The following CRIM1 variants were observed in gnomAD, a reference collection of about 807,000 sequenced individuals.
CRIM1 encodes cysteine rich transmembrane BMP regulator 1.
Under a neutral mutation model 116.4 loss-of-function variants are expected in CRIM1, and 32 were observed. That is an observed-to-expected ratio of 0.27 (90% CI 0.21 to 0.37). The LOEUF is 0.37. Among genes scored for constraint, CRIM1 ranks in the 10% least tolerant of loss-of-function variants. The pLI, the probability that CRIM1 is intolerant of heterozygous loss-of-function variation, is 1.00. For missense variants in CRIM1, 1,331 were observed against 1,354.8 expected, an observed-to-expected ratio of 0.98 and a Z score of 0.28; for synonymous variants, 590 against 509.2, an observed-to-expected ratio of 1.16 and a Z score of -2.13.
chr2:36,469,479 C>T (rs954845802), intron 5 of CRIM1, among the ~76,000 whole-genome samples: 21 of 152,212 alleles, frequency 1.4e-4, no homozygotes, highest in South Asian at 6.2e-4. Context: ...CAGGCATATA[C>T]GAAAGGCTAA....
intron 1 of CRIM1, among the ~76,000 whole-genome samples, chr2:36,362,649 C>T (rs555462541): frequency 9.8e-5 from 15 of 152,292 alleles, no homozygotes; most frequent in Admixed American, 6.5e-4. Flanking sequence ...TTGAAAACCT[C>T]TGTTTAGTCA....
At chr2:36,363,529 G>GCCCCC (rs59203042) in intron 1 of CRIM1, among the ~76,000 whole-genome samples, 1 of 77,776 alleles carries the variant, frequency 1.3e-5, no homozygotes. Context: ...AGTCGTCGCC[G>GCCCCC]CCCCCCCCCC....
At chr2:36,441,119 A>G in intron 2 of CRIM1, 139 bp from the exon 3 acceptor site, 1 of 1,151,624 alleles carries the variant, frequency 8.7e-7, no homozygotes, top group Admixed American at 2.5e-5. Context: ...AGTTAAACTA[A>G]GTTTGAAGGT....
At chr2:36,360,460 C>T (rs756484674) in intron 1 of CRIM1, among the ~76,000 whole-genome samples, 4 of 152,208 alleles carry the variant, frequency 2.6e-5, no homozygotes, top group East Asian at 1.9e-4. Flanking sequence ...TCTTTCAGAA[C>T]GCAATCCTCC....
At chr2:36,538,496 A>G (rs1666712926) in intron 14 of CRIM1, among the ~76,000 whole-genome samples, 1 of 152,166 alleles carries the variant, frequency 6.6e-6, no homozygotes, top group Non-Finnish European at 1.5e-5. Flanking sequence ...GTTGTATTCA[A>G]TACAGGGAGC....
At chr2:36,499,907 G>A (rs750583399) in intron 8 of CRIM1, among the ~76,000 whole-genome samples, 21 of 152,024 alleles carry the variant, frequency 1.4e-4, no homozygotes, top group Non-Finnish European at 1.9e-4. Context: ...TTCTTCTGCC[G>A]GAATAAACAT....
chr2:36,360,796 A>AT (rs1669175559), intron 1 of CRIM1, among the ~76,000 whole-genome samples: 1 of 152,160 alleles, frequency 6.6e-6, no homozygotes, highest in African/African-American at 2.4e-5. Flanking sequence ...GAGTCCACGA[A>AT]TTTTAATTCA....
chr2:36,462,881 A>G (rs1677693702), intron 4 of CRIM1, among the ~76,000 whole-genome samples: 1 of 152,200 alleles, frequency 6.6e-6, no homozygotes, highest in Non-Finnish European at 1.5e-5. Context: ...AAGCGTGACA[A>G]AGTATGGGAT....
intron 6 of CRIM1, among the ~76,000 whole-genome samples, chr2:36,478,938 C>T (rs1236690985): frequency 2.6e-5 from 4 of 152,084 alleles, no homozygotes; most frequent in South Asian, 2.1e-4. Context: ...AAGTTCACAG[C>T]GCTCCTCCAA....
chr2:36,515,349 T>A (rs1034077395), intron 11 of CRIM1, among the ~76,000 whole-genome samples: 4 of 152,246 alleles, frequency 2.6e-5, no homozygotes, highest in African/African-American at 7.2e-5. Flanking sequence ...CACGTGAAGT[T>A]GTTGTTGATA....
intron 1 of CRIM1, among the ~76,000 whole-genome samples, chr2:36,363,532 C>G (rs530368913): frequency 7.4e-6 from 1 of 134,278 alleles, no homozygotes; most frequent in Non-Finnish European, 1.7e-5. Context: ...CGTCGCCGCC[C>G]CCCCCCCCCA....
chr2:36,370,963 A>G (rs1214958268), intron 1 of CRIM1, among the ~76,000 whole-genome samples: 1 of 152,160 alleles, frequency 6.6e-6, no homozygotes, highest in Non-Finnish European at 1.5e-5. Context: ...TTGCTCCTGA[A>G]GTTTTAGGTT....
intron 7 of CRIM1, among the ~76,000 whole-genome samples, chr2:36,480,327 G>A (rs1679309614): frequency 6.6e-6 from 1 of 152,160 alleles, no homozygotes; most frequent in Non-Finnish European, 1.5e-5. Flanking sequence ...TCCATCCTGG[G>A]AAGATTCTCT....
At position 36,522,088 on chromosome 2, in the gene CRIM1, C is replaced by G. The variant is rs866312920; in HGVS notation, c.2207-4C>G. The G allele has an allele frequency of 6.2e-7, 1 of 1,613,620 alleles. No individual in the cohort carries two copies. Among genetic ancestry groups the G allele is most frequent in the Admixed American group, 1.7e-5 (1 of 60,018 alleles). ...TTTGCTGACCTATATGTTCATTTTT[C>G]CAGATCAACCTTTTCGGCCTTCCTT... On this transcript the variant is annotated splice_region_variant and splice_polypyrimidine_tract_variant and intron_variant, in intron 12 of 16. Transcript: ENST00000280527.
At chr2:36,457,752 C>T (rs958069269) in intron 4 of CRIM1, among the ~76,000 whole-genome samples, 6 of 150,238 alleles carry the variant, frequency 4.0e-5, no homozygotes, top group African/African-American at 1.5e-4. Context: ...TTATTTGCAG[C>T]CTTTAAAAAA....
intron 13 of CRIM1, among the ~76,000 whole-genome samples, chr2:36,524,614 T>C (rs1382682835): frequency 1.3e-5 from 2 of 152,192 alleles, no homozygotes; most frequent in Non-Finnish European, 2.9e-5. Flanking sequence ...CTCTCGTGTG[T>C]TGAAAATTCT....
In CRIM1 at chr2:36,479,579, C is replaced by T. The variant is rs775691814; in HGVS notation, c.1257C>T (p.Asp419=). 9 of 1,614,090 alleles carry T rather than the reference C, an allele frequency of 5.6e-6. No individual in the cohort carries two copies. Among genetic ancestry groups the T allele is most frequent in the Admixed American group, 5.0e-5 (3 of 60,006 alleles). Reference sequence around the variant, plus strand: ...CCCACGGAGACCGGTGGCGGGAAGACGACTGCACATTCTGCCAGTGCGTCA... The same window carrying T: ...CCCACGGAGACCGGTGGCGGGAAGATGACTGCACATTCTGCCAGTGCGTCA... ...ILAHGDRWRE[D]DCTFCQCVNG... Residue 419 remains aspartate, a synonymous_variant, in exon 7 of 17, where the codon GAC becomes GAT. Coordinates refer to ENST00000280527, the MANE Select transcript of CRIM1 (RefSeq NM_016441.3).
chr2:36,451,755 G>A (rs1479037589), intron 4 of CRIM1, among the ~76,000 whole-genome samples: 1 of 152,192 alleles, frequency 6.6e-6, no homozygotes, highest in African/African-American at 2.4e-5. Flanking sequence ...GTCAGAGGCT[G>A]TCAACACAGT....
rs781432598 is a variant in CRIM1 at position 36,499,238 on chromosome 2, T to C, written c.1392T>C (p.Val464=). ...TATTAGAACCAACCATCATCACAGT[T>C]GATCCACCTGCATGTGGGGAGTTAT... The part of the protein sequence containing the change: ...PVCEEPTIIT[V]DPPACGELSN... Residue 464 remains valine, a synonymous_variant, in exon 8 of 17, where the codon GTT becomes GTC. Coordinates refer to ENST00000280527, the MANE Select transcript of CRIM1 (RefSeq NM_016441.3). 2.5e-6 allele frequency: 4 copies of C among 1,611,758 alleles called. No homozygotes were observed. The South Asian group carries it at 4.4e-5, about 18-fold the overall frequency.
Sources: allele counts gnomAD v4.1 joint callset (sites outside exome capture counted in the v4.1 genomes callset), GRCh38; gene constraint gnomAD v4.1.1; transcripts MANE v1.5; gene names NCBI Gene and HGNC (gene_info 2026-07-23, HGNC 2026-07-21).